ADAMTSL3: variants seen among roughly 807,000 people sequenced by gnomAD.
ADAMTSL3 encodes ADAMTS-like protein 3.
A neutral mutation model predicts 201.7 loss-of-function variants in ADAMTSL3; 128 were observed. The ratio of observed to expected loss-of-function variants is 0.63; its 90% CI spans 0.55 to 0.73. The LOEUF (loss-of-function observed/expected upper bound fraction) is 0.73. Ranked by LOEUF, ADAMTSL3 falls within the 30% of genes least tolerant of loss-of-function variation. The pLI is 0.00. For missense variants in ADAMTSL3, 1,990 were observed against 2,119.6 expected (o/e 0.94, Z 1.20); for synonymous variants, 738 against 748.4 (o/e 0.99, Z 0.23).
At chr15:83,960,916 T>C (rs1015017945) in intron 19 of ADAMTSL3, among the ~76,000 whole-genome samples, 1 of 152,088 alleles carries the variant, frequency 6.6e-6, no homozygotes, top group Non-Finnish European at 1.5e-5. Context: ...AGGGAGGAAG[T>C]CATGGGATGG....
intron 2 of ADAMTSL3, among the ~76,000 whole-genome samples, chr15:83,669,736 G>C (rs1476980878): frequency 6.6e-6 from 1 of 151,724 alleles, no homozygotes; most frequent in Non-Finnish European, 1.5e-5. Flanking sequence ...CCAAAGTGCT[G>C]GGATTACAGG....
chr15:83,751,410 G>C (rs1200038933), intron 3 of ADAMTSL3, among the ~76,000 whole-genome samples: 1 of 152,128 alleles, frequency 6.6e-6, no homozygotes, highest in Non-Finnish European at 1.5e-5. Flanking sequence ...CAAATGATAG[G>C]GGGATGGACA....
At position 84,006,732 on chromosome 15, in the gene ADAMTSL3, T is replaced by G. The variant is rs147102290; in HGVS notation, c.3974-7810T>G. 3.3e-3 allele frequency among the ~76,000 whole-genome samples: 501 copies of G among 152,350 alleles called. 7 individuals carry two copies. Among genetic ancestry groups the G allele is most frequent in the African/African-American group, 0.011 (457 of 41,572 alleles). ...TTTATAGCTGTTGCAACAGAGCAAA[T>G]GTGTTATTTTGAAACACCATAAAGA... On this transcript the variant is annotated intron_variant, in intron 23 of 29. Coordinates refer to ENST00000286744, the MANE Select transcript of ADAMTSL3 (RefSeq NM_207517.3).
At chr15:84,001,616 A>AG (rs1311681372) in intron 23 of ADAMTSL3, among the ~76,000 whole-genome samples, 1 of 152,194 alleles carries the variant, frequency 6.6e-6, no homozygotes, top group African/African-American at 2.4e-5. Flanking sequence ...GTCTGACCAG[A>AG]GAGAAGACTG....
chr15:83,662,570 TA>T (rs1555427509), intron 2 of ADAMTSL3, among the ~76,000 whole-genome samples: 3,089 of 65,418 alleles, frequency 0.047, 89 homozygotes, highest in African/African-American at 0.12. Context: ...TAAAGTATAA[TA>T]AAAAAAAAAA....
At chr15:84,017,353 G>A (rs941501346) in intron 25 of ADAMTSL3, among the ~76,000 whole-genome samples, 2 of 152,134 alleles carry the variant, frequency 1.3e-5, no homozygotes, top group Non-Finnish European at 2.9e-5. Context: ...TCCTGACCTC[G>A]TGATCCGCCC....
intron 2 of ADAMTSL3, among the ~76,000 whole-genome samples, chr15:83,668,122 C>T (rs1199096316): frequency 1.3e-5 from 2 of 151,764 alleles, no homozygotes; most frequent in Non-Finnish European, 2.9e-5. Flanking sequence ...ATGGAATAAG[C>T]AATTGGGAAC....
chr15:83,992,158 G>C (rs1315572405), intron 23 of ADAMTSL3, among the ~76,000 whole-genome samples: 1 of 152,182 alleles, frequency 6.6e-6, no homozygotes, highest in African/African-American at 2.4e-5. Flanking sequence ...TGACAGAGGA[G>C]CTTTTGCTGC....
intron 3 of ADAMTSL3, among the ~76,000 whole-genome samples, chr15:83,705,717 C>CT (rs929427466): frequency 1.2e-4 from 18 of 152,156 alleles, no homozygotes; most frequent in African/African-American, 4.1e-4. Context: ...ACTGCACACT[C>CT]TCCATCCTTG....
At chr15:84,037,042 TC>T in intron 29 of ADAMTSL3, 55 bp downstream of exon 29, 3 of 1,531,952 alleles carry the variant, frequency 2.0e-6, no homozygotes, top group Non-Finnish European at 2.7e-6. Context: ...TGGCATCAGA[TC>T]CTGATGCTAC....
intron 13 of ADAMTSL3, among the ~76,000 whole-genome samples, chr15:83,895,658 T>C (rs2065598775): frequency 6.6e-6 from 1 of 152,152 alleles, no homozygotes; most frequent in African/African-American, 2.4e-5. Flanking sequence ...AACGGCGGTT[T>C]AAAAGGAGAG....
chr15:83,826,222 T>C (rs2064018523), intron 6 of ADAMTSL3, among the ~76,000 whole-genome samples: 1 of 152,070 alleles, frequency 6.6e-6, no homozygotes, highest in African/African-American at 2.4e-5. Context: ...CCTCCCAACC[T>C]AGTCTGCACT....
Position 83,819,870 on chromosome 15 carries a change from C to A in ADAMTSL3, c.423C>A (p.Val141=), listed in dbSNP as rs1339723937. ...RAQQCSAYND[V]QYQGHYYEWL... is the part of the protein sequence containing the mutation. Reference sequence around the variant, plus strand: ...AGCAGTGCTCAGCCTACAATGATGTCCAGTATCAGGGGCATTACTATGAAT... The same window carrying A: ...AGCAGTGCTCAGCCTACAATGATGTACAGTATCAGGGGCATTACTATGAAT... The change falls in exon 6 of 30, where the codon GTC becomes GTA. Residue 141 remains valine (V), a synonymous_variant. Transcript: ENST00000286744. 1.9e-6 allele frequency: 3 copies of A among 1,613,978 alleles called. No individual in the cohort carries two copies. The highest frequency in any genetic ancestry group is 2.5e-6 in the Non-Finnish European group (3 of 1,180,036).
At chr15:83,907,435 G>A (rs544575653) in intron 15 of ADAMTSL3, among the ~76,000 whole-genome samples, 97 of 152,178 alleles carry the variant, frequency 6.4e-4, no homozygotes, top group African/African-American at 2.1e-3. Flanking sequence ...ACGGAGTCTC[G>A]CTCTGTCACC....
chr15:83,891,268 C>T lies in ADAMTSL3; in HGVS notation c.1212-61C>T, dbSNP rs2065493616. ...TTGGGATGTCAAATATTATATTCGT[C>T]AATTAATGAATGTGTTAATTTATTA... is the stretch of plus-strand genomic sequence containing the variant. On this transcript the variant is annotated intron_variant, in intron 11 of 29. Coordinates refer to ENST00000286744, the MANE Select transcript of ADAMTSL3 (RefSeq NM_207517.3). 3.0e-6 allele frequency: 4 copies of T among 1,326,064 alleles called. No homozygotes were observed. In the East Asian group the frequency reaches 9.2e-5, roughly 31 times the overall value. The allele number at this position is 1,326,064 out of a possible 1,614,324, so 82.1% of individuals were successfully genotyped here. A position where few individuals can be genotyped will look rare whatever the true frequency, so the allele number is the denominator to read the frequency against.
Position 83,982,574 on chromosome 15 carries a change from C to T in ADAMTSL3, c.2946C>T (p.Cys982=). The T allele has an allele frequency of 6.2e-7, 1 of 1,614,172 alleles. No homozygotes were observed. The highest frequency in any genetic ancestry group is 8.5e-7 in the Non-Finnish European group (1 of 1,180,030). The part of the protein sequence containing the change: ...LAAPDIGVYR[C]IAGSAQETVV... ...CCCCCGACATCGGCGTGTACCGGTGCATTGCAGGCTCTGCACAGGAAACAG... is the reference window on the plus strand; with the variant it reads ...CCCCCGACATCGGCGTGTACCGGTGTATTGCAGGCTCTGCACAGGAAACAG... The change falls in exon 21 of 30, where the codon TGC becomes TGT. Residue 982 remains cysteine (C), a synonymous_variant. Transcript: ENST00000286744.
intron 4 of ADAMTSL3, among the ~76,000 whole-genome samples, chr15:83,792,227 A>G (rs2063355594): frequency 6.6e-6 from 1 of 152,238 alleles, no homozygotes; most frequent in African/African-American, 2.4e-5. Flanking sequence ...CTTAAAAGAT[A>G]TACATAGGAT....
At chr15:84,032,636 T>C (rs949039589) in intron 28 of ADAMTSL3, among the ~76,000 whole-genome samples, 3 of 152,234 alleles carry the variant, frequency 2.0e-5, no homozygotes, top group African/African-American at 7.2e-5. Flanking sequence ...AAGAATATAT[T>C]ATAGATAATT....
intron 9 of ADAMTSL3, among the ~76,000 whole-genome samples, chr15:83,883,197 C>T (rs2065312061): frequency 6.7e-6 from 1 of 150,124 alleles, no homozygotes; most frequent in Admixed American, 6.6e-5. Flanking sequence ...TTTTGAGATG[C>T]AGTCTCACTC....
Sources: gnomAD v4.1 joint callset for allele counts (sites outside exome capture counted in the v4.1 genomes callset) on GRCh38, gnomAD v4.1.1 for gene constraint, MANE v1.5 for transcripts, NCBI Gene and HGNC (gene_info 2026-07-23, HGNC 2026-07-21) for gene names.